The following EML5 variants were observed in gnomAD, a reference collection of about 807,000 sequenced individuals.
EML5 encodes EMAP like 5.
In EML5, 120 loss-of-function variants were observed where a neutral mutation model predicts 250.0. The observed-to-expected ratio is 0.48, with a 90% CI of 0.41 to 0.56. The LOEUF (loss-of-function observed/expected upper bound fraction) is 0.56, where lower values mean the gene tolerates loss of function less well. Ranked by LOEUF, EML5 falls within the 20% of genes least tolerant of loss-of-function variation. EML5 has a pLI of 0.00. For synonymous variants in EML5, 771 were observed against 806.5 expected, an observed-to-expected ratio of 0.96 and a Z score of 0.75; for missense variants, 2,006 against 2,437.6, an observed-to-expected ratio of 0.82 and a Z score of 3.73.
At chr14:88,687,880 A>C (rs1164389263) in intron 18 of EML5, among the ~76,000 whole-genome samples, 1 of 152,084 alleles carries the variant, frequency 6.6e-6, no homozygotes, top group African/African-American at 2.4e-5. Flanking sequence ...GTTGGAGACT[A>C]CCCTGGGCAA....
At chr14:88,720,330 CA>C (rs2093570662) in intron 8 of EML5, among the ~76,000 whole-genome samples, 1 of 151,834 alleles carries the variant, frequency 6.6e-6, no homozygotes, top group Non-Finnish European at 1.5e-5. Context: ...AGAGAACCAA[CA>C]AAAAACTTCA....
At chr14:88,669,564 G>C (rs1048858640) in intron 21 of EML5, among the ~76,000 whole-genome samples, 4 of 152,168 alleles carry the variant, frequency 2.6e-5, no homozygotes, top group African/African-American at 9.6e-5. Flanking sequence ...ACTCCAGCCA[G>C]AGGTTTGTGG....
chr14:88,782,698 G>A (rs147932025), intron 1 of EML5, among the ~76,000 whole-genome samples: 11 of 152,292 alleles, frequency 7.2e-5, no homozygotes, highest in Non-Finnish European at 1.3e-4. Context: ...CCCAAGCCTT[G>A]GCAGCTTCCA....
chr14:88,677,076 T>G (rs1328893914), intron 21 of EML5, among the ~76,000 whole-genome samples: 2 of 152,098 alleles, frequency 1.3e-5, no homozygotes, highest in African/African-American at 4.8e-5. Flanking sequence ...GGTTAATTTT[T>G]GTATTTTTAG....
At position 88,657,457 on chromosome 14, in the gene EML5, A is replaced by T; in HGVS notation, c.3923T>A (p.Ile1308Asn). 1 of 1,606,448 alleles carries T rather than the reference A, an allele frequency of 6.2e-7. No individual in the cohort carries two copies. The change falls in exon 27 of 44, where the codon ATC (isoleucine) becomes AAC (asparagine). Residue 1308 changes from isoleucine to asparagine, a missense_variant. Physicochemically the swap from Ile to Asn is moderately radical, Grantham distance 149. Coordinates refer to ENST00000554922, the MANE Select transcript of EML5 (RefSeq NM_183387.3). ...VTRENEISYT[I>N]RALSTNIRPM... ...GCGAATATTTGTTGATAAGGCTCTG[A>T]TGGTGTAACTGATTTCATTCTCCCT...
chr14:88,735,148 T>C (rs1265320275), intron 7 of EML5, among the ~76,000 whole-genome samples: 2 of 152,154 alleles, frequency 1.3e-5, no homozygotes, highest in African/African-American at 4.8e-5. Context: ...TCTCAAACTT[T>C]TGAGTATATC....
At chr14:88,763,771 T>C (rs1347323700) in intron 1 of EML5, among the ~76,000 whole-genome samples, 5 of 152,096 alleles carry the variant, frequency 3.3e-5, no homozygotes, top group Non-Finnish European at 1.5e-5. Context: ...AATAGCAGGA[T>C]GTTTAATTAG....
intron 25 of EML5, 82 bp from the exon 26 acceptor site, chr14:88,658,470 A>G: frequency 9.0e-7 from 1 of 1,110,644 alleles, no homozygotes; most frequent in Non-Finnish European, 1.3e-6. Flanking sequence ...AATTTTATTA[A>G]TAATTAAAAA....
At chr14:88,641,387 T>C (rs1463095070) in intron 31 of EML5, among the ~76,000 whole-genome samples, 1 of 151,900 alleles carries the variant, frequency 6.6e-6, no homozygotes, top group East Asian at 1.9e-4. Context: ...CAAAACATCA[T>C]CCCTATGATG....
At chr14:88,665,612 C>T (rs535085717) in intron 21 of EML5, 123 bp from the exon 22 acceptor site, 18 of 1,310,546 alleles carry the variant, frequency 1.4e-5, no homozygotes, top group East Asian at 1.2e-4. Context: ...GGACTGCCCG[C>T]GGCCAGGAGG....
At chr14:88,761,268 G>C (rs186378063) in intron 1 of EML5, among the ~76,000 whole-genome samples, 1 of 151,926 alleles carries the variant, frequency 6.6e-6, no homozygotes, top group Admixed American at 6.6e-5. Context: ...TTGTTGCATA[G>C]GTATACATGT....
At chr14:88,700,551 A>C (rs964755995) in intron 14 of EML5, among the ~76,000 whole-genome samples, 1 of 152,140 alleles carries the variant, frequency 6.6e-6, no homozygotes, top group African/African-American at 2.4e-5. Flanking sequence ...ATCTAGTCTC[A>C]GGGATTCCCA....
chr14:88,778,747 C>A (rs951537951), intron 1 of EML5, among the ~76,000 whole-genome samples: 2 of 152,186 alleles, frequency 1.3e-5, no homozygotes, highest in Admixed American at 1.3e-4. Context: ...CCACTGCACT[C>A]CAGCCTGGCG....
chr14:88,693,350 G>A (rs373515401), intron 17 of EML5, among the ~76,000 whole-genome samples: 41 of 152,312 alleles, frequency 2.7e-4, no homozygotes, highest in African/African-American at 9.4e-4. Flanking sequence ...ATGGCTGAAG[G>A]TGAATGAGGA....
chr14:88,754,500 A>G lies in EML5; in HGVS notation c.357+12T>C, dbSNP rs756726821. ...CATACAATTTAGAAAAAAATGAAAAACTGTCACATACCTGTCCATCTAAGT... is the reference window on the plus strand; with the variant it reads ...CATACAATTTAGAAAAAAATGAAAAGCTGTCACATACCTGTCCATCTAAGT... On this transcript the variant is annotated intron_variant, in intron 2 of 43. Coordinates refer to ENST00000554922, the MANE Select transcript of EML5 (RefSeq NM_183387.3). 6.4e-7 allele frequency: 1 copy of G among 1,564,738 alleles called. No homozygotes were observed. The highest frequency in any genetic ancestry group is 8.6e-7 in the Non-Finnish European group (1 of 1,163,210).
intron 13 of EML5, among the ~76,000 whole-genome samples, chr14:88,704,430 T>G (rs2093277268): frequency 6.6e-6 from 1 of 152,138 alleles, no homozygotes; most frequent in Non-Finnish European, 1.5e-5. Context: ...TTATAAATTA[T>G]CCAGCTTCAG....
At chr14:88,675,178 C>T (rs117523688) in intron 21 of EML5, among the ~76,000 whole-genome samples, 3,025 of 152,288 alleles carry the variant, frequency 0.02, 37 homozygotes, top group Middle Eastern at 0.054. Context: ...CTCCACTAGG[C>T]GGTGCCCCAG....
At chr14:88,623,530 TCTC>T in intron 36 of EML5, 1 of 151,778 alleles carries the variant, frequency 6.6e-6, no homozygotes, top group Admixed American at 6.6e-5. Flanking sequence ...AAGCGATTCT[TCTC>T]CTTCAGCCTC....
rs1424396123 is a variant in EML5, at chr14:88,792,725, C to G, written c.-222G>C. The G allele has an allele frequency of 9.2e-7, 1 of 1,089,742 alleles. No individual in the cohort carries two copies. The highest frequency in any genetic ancestry group is 1.1e-6 in the Non-Finnish European group (1 of 898,410). 67.5% of individuals were successfully genotyped at this position (1,089,742 alleles called of 1,614,324 possible). ...CGCGGAACATGCTGAGGGCCGCGAGCGCCGCCGGCTGTCAAGTGGATGCCC... is the reference window on the plus strand; with the variant it reads ...CGCGGAACATGCTGAGGGCCGCGAGGGCCGCCGGCTGTCAAGTGGATGCCC... On this transcript the variant is annotated 5_prime_UTR_variant, in exon 1 of 44. Coordinates refer to ENST00000554922, the MANE Select transcript of EML5 (RefSeq NM_183387.3). The surrounding 1 kb of genome is among the most constrained non-coding windows in gnomAD (Gnocchi z 6.9).
Sources: gnomAD v4.1 joint callset for allele counts (sites outside exome capture counted in the v4.1 genomes callset) on GRCh38, gnomAD v4.1.1 for gene constraint, Gnocchi (gnomAD v3.1) non-coding constraint, MANE v1.5 for transcripts, NCBI Gene and HGNC (gene_info 2026-07-23, HGNC 2026-07-21) for gene names.